NTRK3: variants seen among roughly 807,000 people sequenced by gnomAD.
NTRK3 encodes NT-3 growth factor receptor.
In NTRK3, 24 loss-of-function variants were observed where a neutral mutation model predicts 91.7. The observed-to-expected ratio is 0.26, with a 90% CI of 0.19 to 0.37. The LOEUF is 0.37. Ranked by LOEUF, NTRK3 falls within the 10% of genes least tolerant of loss-of-function variation. The probability of loss-of-function intolerance (pLI) is 1.00; values close to 1 mark genes in which losing one functional copy is unlikely to be tolerated. For synonymous variants in NTRK3, 483 were observed against 404.0 expected (o/e 1.20, Z -2.34); for missense variants, 880 against 1,068.9 (o/e 0.82, Z 2.46).
intron 3 of NTRK3, among the ~76,000 whole-genome samples, chr15:88,228,534 C>A (rs1047874341): frequency 2.6e-5 from 4 of 152,190 alleles, no homozygotes; most frequent in Non-Finnish European, 2.9e-5. Flanking sequence ...CTCCCTTCCT[C>A]TTGGTCAGTT....
chr15:88,013,981 A>G (rs2077059421), intron 14 of NTRK3, among the ~76,000 whole-genome samples: 1 of 152,242 alleles, frequency 6.6e-6, no homozygotes, highest in East Asian at 1.9e-4. Context: ...GTAACACTGT[A>G]TCTCACTAGG....
chr15:87,884,144 TC>T (rs550768658), intron 17 of NTRK3, among the ~76,000 whole-genome samples: 168 of 151,634 alleles, frequency 1.1e-3, no homozygotes, highest in Middle Eastern at 6.8e-3. Flanking sequence ...ATCTACACAA[TC>T]AATTGTTAGT....
intron 17 of NTRK3, among the ~76,000 whole-genome samples, chr15:87,926,046 A>T (rs2068280456): frequency 6.6e-6 from 1 of 152,246 alleles, no homozygotes; most frequent in African/African-American, 2.4e-5. Flanking sequence ...CTTTAACAAT[A>T]GAAAAATTGA....
At chr15:88,057,042 G>A (rs950166518) in intron 13 of NTRK3, among the ~76,000 whole-genome samples, 33 of 151,410 alleles carry the variant, frequency 2.2e-4, no homozygotes, top group African/African-American at 5.8e-4. Context: ...GGTGGCGCGC[G>A]CCTGTAGTCC....
chr15:88,033,215 T>TATATATAA (rs1491311337), intron 13 of NTRK3, among the ~76,000 whole-genome samples, 170 bp from the exon 14 acceptor site: 4 of 126,742 alleles, frequency 3.2e-5, no homozygotes, highest in African/African-American at 9.1e-5. Flanking sequence ...TATATATATA[T>TATATATAA]AAATTCAGTT....
chr15:87,977,214 C>T (rs2073803833), intron 14 of NTRK3: 1 of 163,798 alleles, frequency 6.1e-6, no homozygotes. Context: ...ACCAATGGAA[C>T]AGATTGTGAA....
intron 14 of NTRK3, among the ~76,000 whole-genome samples, chr15:87,975,111 C>T (rs2073611751): frequency 6.6e-6 from 1 of 152,118 alleles, no homozygotes; most frequent in South Asian, 2.1e-4. Flanking sequence ...TGAGTAAGTG[C>T]TTCATAAGTT....
chr15:87,873,704 C>CATAA (rs935945119), exon 19 of NTRK3: 21 of 231,770 alleles, frequency 9.1e-5, no homozygotes, highest in African/African-American at 3.5e-4. Context: ...TTAGGCTCTT[C>CATAA]ATAAATAAAT....
At chr15:88,051,960 C>G (rs1275241720) in intron 13 of NTRK3, among the ~76,000 whole-genome samples, 1 of 152,188 alleles carries the variant, frequency 6.6e-6, no homozygotes. Flanking sequence ...AAGGAATGAG[C>G]TTTATTAGAT....
At chr15:88,059,049 A>AAC (rs56706510) in intron 13 of NTRK3, among the ~76,000 whole-genome samples, 9,270 of 144,638 alleles carry the variant, frequency 0.064, 293 homozygotes, top group Middle Eastern at 0.1. Flanking sequence ...CTCACACACA[A>AAC]ACACACACAC....
chr15:87,933,392 C>T (rs1349931666), intron 15 of NTRK3, among the ~76,000 whole-genome samples: 2 of 152,240 alleles, frequency 1.3e-5, no homozygotes, highest in Non-Finnish European at 2.9e-5. Context: ...AATAGAAACC[C>T]ACTTTCTGAC....
chr15:88,160,368 C>G (rs1358115593), intron 5 of NTRK3, among the ~76,000 whole-genome samples: 2 of 152,164 alleles, frequency 1.3e-5, no homozygotes, highest in African/African-American at 4.8e-5. Context: ...ACAGGATGAG[C>G]TAAGAAGCAG....
chr15:88,111,103 A>G (rs1034078628), intron 13 of NTRK3, among the ~76,000 whole-genome samples: 3 of 152,234 alleles, frequency 2.0e-5, no homozygotes, highest in South Asian at 2.1e-4. Flanking sequence ...TCACTGAGAT[A>G]CAGATGATGA....
intron 3 of NTRK3, among the ~76,000 whole-genome samples, chr15:88,247,102 T>A (rs575863703): frequency 6.6e-6 from 1 of 152,334 alleles, no homozygotes; most frequent in African/African-American, 2.4e-5. Flanking sequence ...GACGCACTTG[T>A]GCCTGTGCCA....
At chr15:88,146,653 G>A (rs2042915798) in intron 6 of NTRK3, among the ~76,000 whole-genome samples, 1 of 152,310 alleles carries the variant, frequency 6.6e-6, no homozygotes, top group African/African-American at 2.4e-5. Flanking sequence ...GGCTGGCTGG[G>A]ATAGGGGTGC....
At chr15:88,066,240 T>G (rs1484038859) in intron 13 of NTRK3, among the ~76,000 whole-genome samples, 1 of 152,190 alleles carries the variant, frequency 6.6e-6, no homozygotes. Context: ...GTCAGACATG[T>G]AGGGAGAATG....
chr15:88,230,573 T>A (rs1225983981), intron 3 of NTRK3, among the ~76,000 whole-genome samples: 1 of 152,224 alleles, frequency 6.6e-6, no homozygotes, highest in East Asian at 1.9e-4. Flanking sequence ...ATTTTAATTT[T>A]AATCATTTTA....
chr15:88,029,470 T>C (rs543215400), intron 14 of NTRK3, among the ~76,000 whole-genome samples: 41 of 152,258 alleles, frequency 2.7e-4, no homozygotes, highest in South Asian at 8.3e-4. Flanking sequence ...CTGTTTATAA[T>C]AAATACATAA....
At chr15:87,885,591 C>G in intron 17 of NTRK3, 103 bp downstream of exon 18, 2 of 627,964 alleles carry the variant, frequency 3.2e-6, no homozygotes, top group Admixed American at 3.6e-5. Flanking sequence ...CAGAGGCAGA[C>G]CCATGTATAA....
Sources: gnomAD v4.1 joint callset for allele counts (sites outside exome capture counted in the v4.1 genomes callset) on GRCh38, gnomAD v4.1.1 for gene constraint, MANE v1.5 for transcripts, NCBI Gene and HGNC (gene_info 2026-07-23, HGNC 2026-07-21) for gene names.